Variants in GOLGA3 observed in about 807,000 individuals in gnomAD.
GOLGA3 encodes golgin subfamily A member 3.
A neutral mutation model predicts 169.4 loss-of-function variants in GOLGA3; 75 were observed. The observed-to-expected ratio is 0.44, with a 90% CI of 0.37 to 0.54. The LOEUF (loss-of-function observed/expected upper bound fraction) is 0.54, where lower values mean the gene tolerates loss of function less well. GOLGA3 is among the 20% of genes least tolerant of loss of function. The pLI is 0.00. For synonymous variants in GOLGA3, 824 were observed against 822.4 expected (o/e 1.00, Z -0.03); for missense variants, 1,899 against 1,930.0 (o/e 0.98, Z 0.30).
intron 21 of GOLGA3, among the ~76,000 whole-genome samples, chr12:132,775,602 G>GT (rs1037229231): frequency 2.6e-5 from 4 of 151,896 alleles, no homozygotes; most frequent in Non-Finnish European, 4.4e-5. Context: ...TTTTGTTCTT[G>GT]TTTTTTTTAG....
intron 1 of GOLGA3, among the ~76,000 whole-genome samples, chr12:132,824,416 G>A (rs978957051): frequency 3.9e-5 from 6 of 152,216 alleles, no homozygotes; most frequent in African/African-American, 1.4e-4. Context: ...AAAAGGTTAC[G>A]TATGCTATTA....
intron 1 of GOLGA3, among the ~76,000 whole-genome samples, chr12:132,823,665 T>C (rs1298269594): frequency 6.6e-6 from 1 of 151,634 alleles, no homozygotes; most frequent in Non-Finnish European, 1.5e-5. Context: ...CAGGCGCCTG[T>C]AATCCCAGCT....
chr12:132,808,649 G>A (rs1369603822), intron 4 of GOLGA3, 100 bp from the exon 5 acceptor site: 13 of 929,948 alleles, frequency 1.4e-5, no homozygotes, highest in East Asian at 1.2e-4. Context: ...TACTCCCTCC[G>A]CTGACAACCA....
chr12:132,782,875 C>CAAAAAAAAAAA (rs63295864), intron 16 of GOLGA3, among the ~76,000 whole-genome samples: 1 of 102,156 alleles, frequency 9.8e-6, no homozygotes. Context: ...GACTCTGTCT[C>CAAAAAAAAAAA]AAAAAAAAAA....
chr12:132,813,578 A>AG (rs1298199489), intron 3 of GOLGA3, among the ~76,000 whole-genome samples, 159 bp from the exon 4 acceptor site: 1 of 152,212 alleles, frequency 6.6e-6, no homozygotes, highest in African/African-American at 2.4e-5. Flanking sequence ...AGATCAAGAG[A>AG]GAACTGTGAG....
chr12:132,825,837 C>T, intron 1 of GOLGA3: 1 of 1,050,860 alleles, frequency 9.5e-7, no homozygotes. Flanking sequence ...GGCTTCAAGA[C>T]ACCCAAAGAG....
Position 132,777,250 on chromosome 12 carries a change from G to A in GOLGA3, c.3723-160C>T, listed in dbSNP as rs543054079. 2.0e-5 allele frequency among the ~76,000 whole-genome samples: 3 copies of A among 152,274 alleles called. No individual in the cohort carries two copies. The highest frequency in any genetic ancestry group is 3.9e-4 in the East Asian group (2 of 5,178). On this transcript the variant is annotated intron_variant, in intron 19 of 23. Coordinates refer to ENST00000450791, the MANE Select transcript of GOLGA3 (RefSeq NM_001389683.1). The surrounding 1 kb of genome is among the most constrained non-coding windows in gnomAD (Gnocchi z 4.7). The stretch of plus-strand genomic sequence containing the variant: ...GCTTGGTGCCCACAGTGTGCACTCG[G>A]GCAGTCCTCACGAAGCACCTGAGAC...
chr12:132,821,157 A>G (rs2136770000), intron 2 of GOLGA3, among the ~76,000 whole-genome samples: 1 of 150,066 alleles, frequency 6.7e-6, no homozygotes, highest in Non-Finnish European at 1.5e-5. Context: ...CTGTAATCTC[A>G]GCACTTTGGG....
chr12:132,773,751 C>T (rs534958091), intron 23 of GOLGA3, among the ~76,000 whole-genome samples: 16 of 148,396 alleles, frequency 1.1e-4, no homozygotes, highest in East Asian at 2.0e-4. Flanking sequence ...AGAGGCTGTG[C>T]GAGTCCCCCT....
intron 5 of GOLGA3, 100 bp downstream of exon 5, chr12:132,807,772 CCCTCTGTTGGCCCCACCCA>C (rs1291514838): frequency 4.8e-6 from 1 of 209,812 alleles, no homozygotes; most frequent in Non-Finnish European, 9.4e-6. Context: ...CCACCCCGCC[CCCTCTGTTGGCCCCACCCA>C]CCTCTGCTAC....
chr12:132,802,827 G>A lies in GOLGA3; in HGVS notation c.1598-858C>T, dbSNP rs57348445. Among the ~76,000 whole-genome samples, 367 of 152,120 alleles carry A rather than the reference G, an allele frequency of 2.4e-3. 3 individuals are homozygous for A. Among genetic ancestry groups the A allele is most frequent in the African/African-American group, 8.6e-3 (355 of 41,488 alleles). On this transcript the variant is annotated intron_variant, in intron 7 of 23. Coordinates refer to ENST00000450791, the MANE Select transcript of GOLGA3 (RefSeq NM_001389683.1). ...TCCCAGCACTTTGGGAGGCTGAGGCGGGCGGATCACCTGAGGTTGGGAGTT... is the reference window on the plus strand; with the variant it reads ...TCCCAGCACTTTGGGAGGCTGAGGCAGGCGGATCACCTGAGGTTGGGAGTT...
In GOLGA3 at chr12:132,805,926, A is replaced by G. The variant is rs1395903463; in HGVS notation, c.1291-904T>C. Among the ~76,000 whole-genome samples the G allele has an allele frequency of 2.6e-5, 4 of 152,182 alleles. No homozygotes were observed. In the East Asian group the frequency reaches 7.7e-4, roughly 29 times the overall value. ...ATCTGGGGGGAAATGGGCAAAAAAC[A>G]CAGGCAGGGAAAGGCGGCTGCCTAA... is the stretch of plus-strand genomic sequence containing the variant. On this transcript the variant is annotated intron_variant, in intron 6 of 23. Transcript: ENST00000450791.
In GOLGA3 at chr12:132,804,676, C is replaced by A. The variant is rs984152901; in HGVS notation, c.1597+40G>T. ...AGGAAGGAGGAGGGAGCAGCAGGGA[C>A]CAGTCAGGGAGGGGAGGGCGTGGCC... On this transcript the variant is annotated intron_variant, in intron 7 of 23. Transcript: ENST00000450791. This position sits in a 1 kb window ranked among gnomAD's most constrained non-coding sequence, Gnocchi z 4.1. 1 of 1,517,942 alleles carries A rather than the reference C, an allele frequency of 6.6e-7. No homozygotes were observed. Among genetic ancestry groups the A allele is most frequent in the East Asian group, 2.3e-5 (1 of 44,216 alleles). The allele number at this position is 1,517,942 out of a possible 1,614,324, so 94.0% of individuals were successfully genotyped here. A position where few individuals can be genotyped will look rare whatever the true frequency, so the allele number is the denominator to read the frequency against.
intron 4 of GOLGA3, among the ~76,000 whole-genome samples, chr12:132,812,280 T>C (rs940609498): frequency 3.3e-5 from 5 of 151,802 alleles, no homozygotes; most frequent in African/African-American, 1.2e-4. Flanking sequence ...AGAGCTCTGA[T>C]GGGAGATGTA....
Position 132,775,258 on chromosome 12 carries a change from G to A in GOLGA3, c.4026C>T (p.Thr1342=), listed in dbSNP as rs1208360106. 3 of 1,613,842 alleles carry A rather than the reference G, an allele frequency of 1.9e-6. No homozygotes were observed. The highest frequency in any genetic ancestry group is 2.5e-6 in the Non-Finnish European group (3 of 1,179,788). The change falls in exon 22 of 24, where the codon ACC becomes ACT. Residue 1342 remains threonine (T), a synonymous_variant. Transcript: ENST00000450791. Reference sequence around the variant, plus strand: ...CCTGGAGCATAAATTTATCCTTCTGGGTCATGGACAGGTCTTCCTGGGCCA... The same window carrying A: ...CCTGGAGCATAAATTTATCCTTCTGAGTCATGGACAGGTCTTCCTGGGCCA... ...LEMAQEDLSM[T]QKDKFMLQAK...
chr12:132,779,162 C>T (rs1011888433), intron 18 of GOLGA3, among the ~76,000 whole-genome samples: 12 of 152,092 alleles, frequency 7.9e-5, no homozygotes, highest in African/African-American at 2.7e-4. Flanking sequence ...CTCACCACAA[C>T]CTCCGCCTCC....
chr12:132,786,653 ACCTGGCCCCCGCACCT>A, intron 14 of GOLGA3, 24 bp downstream of exon 14: 1 of 465,630 alleles, frequency 2.1e-6, no homozygotes, highest in Non-Finnish European at 3.0e-6. Context: ...CGCACCTCCC[ACCTGGCCCCCGCACCT>A]CCCCCGGGCA....
intron 13 of GOLGA3, among the ~76,000 whole-genome samples, chr12:132,787,109 A>G (rs1054523331): frequency 6.6e-6 from 1 of 152,046 alleles, no homozygotes; most frequent in South Asian, 2.1e-4. Context: ...GCCCGCCACC[A>G]TGCCCAGCTA....
chr12:132,782,406 C>G lies in GOLGA3; in HGVS notation c.3355G>C (p.Gly1119Arg). 1.9e-6 allele frequency: 3 copies of G among 1,614,186 alleles called. No individual in the cohort carries two copies. Among genetic ancestry groups the G allele is most frequent in the Non-Finnish European group, 2.5e-6 (3 of 1,179,968 alleles). The change falls in exon 17 of 24, where the codon GGG (glycine) becomes CGG (arginine). Residue 1119 changes from glycine (G) to arginine (R), a missense_variant. Coordinates refer to ENST00000450791, the MANE Select transcript of GOLGA3 (RefSeq NM_001389683.1). The stretch of plus-strand genomic sequence containing the variant: ...GACTGACCGAGGCCCGTAAGCTTCC[C>G]TTTCTCGTGCTCTAATTCAAGAGCC... ...KLALELEHEKGKLTGLGQSNA... is the reference protein window; with the variant it reads ...KLALELEHEKRKLTGLGQSNA...
Sources: allele counts gnomAD v4.1 joint callset (sites outside exome capture counted in the v4.1 genomes callset), GRCh38; gene constraint gnomAD v4.1.1; non-coding constraint Gnocchi (gnomAD v3.1); transcripts MANE v1.5; gene names NCBI Gene and HGNC (gene_info 2026-07-23, HGNC 2026-07-21).